Variants in ROBO2 observed in about 807,000 individuals in gnomAD.
The protein encoded by ROBO2 is roundabout homolog 2.
A neutral mutation model predicts 160.8 loss-of-function variants in ROBO2; 53 were observed. The ratio of observed to expected loss-of-function variants is 0.33; its 90% CI spans 0.26 to 0.41. The LOEUF is 0.41. ROBO2 is among the 10% of genes least tolerant of loss of function. ROBO2 has a pLI of 1.00. For missense variants in ROBO2, 1,577 were observed against 1,722.4 expected, an observed-to-expected ratio of 0.92 and a Z score of 1.49; for synonymous variants, 664 against 611.7, an observed-to-expected ratio of 1.09 and a Z score of -1.26.
intron 5 of ROBO2, among the ~76,000 whole-genome samples, chr3:77,496,567 TG>T (rs1341884372): frequency 1.3e-5 from 2 of 152,188 alleles, no homozygotes; most frequent in African/African-American, 4.8e-5. Flanking sequence ...TATAAGCAAT[TG>T]GTGTGGTGCA....
intron 2 of ROBO2, among the ~76,000 whole-genome samples, chr3:76,796,487 GGAAGGAAGGAAGGAAAGAAGGAAA>G (rs1334086157): frequency 2.7e-5 from 1 of 37,244 alleles, no homozygotes; most frequent in East Asian, 8.7e-4. Context: ...AAGGAGGGAA[GGAAGGAAGGAAGGAAAGAAGGAAA>G]GAAGGAAGGA....
chr3:77,577,351 A>T, intron 14 of ROBO2, 139 bp from the exon 16 acceptor site: 1 of 929,044 alleles, frequency 1.1e-6, no homozygotes, highest in East Asian at 2.5e-5. Context: ...AAAAACTGTC[A>T]CTGTTGAACA....
chr3:76,079,660 T>C (rs527282345), intron 2 of ROBO2, among the ~76,000 whole-genome samples: 20 of 152,086 alleles, frequency 1.3e-4, no homozygotes, highest in African/African-American at 4.1e-4. Context: ...ATTTCTTTTG[T>C]ATTTTAGTAA....
At chr3:76,131,879 A>G (rs1215700033) in intron 2 of ROBO2, among the ~76,000 whole-genome samples, 1 of 152,180 alleles carries the variant, frequency 6.6e-6, no homozygotes, top group Non-Finnish European at 1.5e-5. Flanking sequence ...CATCTTATCA[A>G]ATAAAATGTT....
intron 2 of ROBO2, among the ~76,000 whole-genome samples, chr3:77,335,798 A>G (rs2066436545): frequency 6.6e-6 from 1 of 152,244 alleles, no homozygotes; most frequent in South Asian, 2.1e-4. Flanking sequence ...TATGTTAGAT[A>G]AGGCAACTTT....
chr3:76,808,470 T>G (rs2064910641), intron 2 of ROBO2, among the ~76,000 whole-genome samples: 1 of 152,060 alleles, frequency 6.6e-6, no homozygotes, highest in South Asian at 2.1e-4. Context: ...ACATAAATAT[T>G]TTTGTCTTCA....
At chr3:76,498,749 C>T (rs1201974825) in intron 2 of ROBO2, among the ~76,000 whole-genome samples, 1 of 145,502 alleles carries the variant, frequency 6.9e-6, no homozygotes, top group African/African-American at 2.5e-5. Flanking sequence ...GTGGCACAAT[C>T]TCGACTCACT....
chr3:76,429,393 T>G (rs2076348516), intron 2 of ROBO2, among the ~76,000 whole-genome samples: 1 of 152,214 alleles, frequency 6.6e-6, no homozygotes, highest in African/African-American at 2.4e-5. Flanking sequence ...GAGACAGTAT[T>G]TTAAAGCACT....
intron 2 of ROBO2, among the ~76,000 whole-genome samples, chr3:76,002,308 A>G (rs887732946): frequency 6.6e-6 from 1 of 152,180 alleles, no homozygotes; most frequent in African/African-American, 2.4e-5. Context: ...TCGATAAGCC[A>G]AGCGATATGG....
intron 2 of ROBO2, among the ~76,000 whole-genome samples, chr3:77,299,135 G>A (rs1580852383): frequency 1.3e-5 from 2 of 152,278 alleles, no homozygotes; most frequent in East Asian, 3.9e-4. Flanking sequence ...AAAAATTAGT[G>A]CTTTTTAACA....
At chr3:77,044,365 C>A (rs1016385113) in intron 1 of ROBO2, among the ~76,000 whole-genome samples, 1 of 152,072 alleles carries the variant, frequency 6.6e-6, no homozygotes, top group Non-Finnish European at 1.5e-5. Flanking sequence ...TGAAATAGTT[C>A]CGGCAGTCTA....
At chr3:77,557,905 A>T in intron 8 of ROBO2, 39 bp from the exon 10 acceptor site, 1 of 1,469,306 alleles carries the variant, frequency 6.8e-7, no homozygotes, top group South Asian at 1.2e-5. Context: ...ACTGAACTAC[A>T]TTGATGTTAA....
intron 2 of ROBO2, among the ~76,000 whole-genome samples, chr3:76,983,756 T>C (rs943978428): frequency 6.6e-6 from 1 of 152,188 alleles, no homozygotes; most frequent in Non-Finnish European, 1.5e-5. Flanking sequence ...ATAAGGTACG[T>C]CCTCCCACTT....
chr3:77,176,992 A>G (rs2080224654), intron 2 of ROBO2, among the ~76,000 whole-genome samples: 1 of 151,710 alleles, frequency 6.6e-6, no homozygotes, highest in Admixed American at 6.6e-5. Context: ...TCTGTAGGTA[A>G]TCTGTATTGT....
intron 2 of ROBO2, among the ~76,000 whole-genome samples, chr3:77,213,475 T>C (rs28827560): frequency 0.47 from 71,150 of 151,766 alleles, 17,111 homozygotes; most frequent in Middle Eastern, 0.62. Flanking sequence ...CTCTTTTCTT[T>C]TTTATTAGTC....
chr3:77,065,472 A>G (rs1262333263), intron 1 of ROBO2, among the ~76,000 whole-genome samples: 1 of 152,098 alleles, frequency 6.6e-6, no homozygotes, highest in East Asian at 1.9e-4. Flanking sequence ...CTTGTGACCT[A>G]TTTTCAAAAT....
intron 2 of ROBO2, among the ~76,000 whole-genome samples, chr3:76,854,725 G>A (rs2069848878): frequency 6.6e-6 from 1 of 152,048 alleles, no homozygotes; most frequent in Admixed American, 6.6e-5. Flanking sequence ...TCAAATTTTT[G>A]TTGGCCTAAT....
chr3:76,919,644 A>T (rs2076542761), intron 2 of ROBO2, among the ~76,000 whole-genome samples: 1 of 152,184 alleles, frequency 6.6e-6, no homozygotes, highest in South Asian at 2.1e-4. Flanking sequence ...AGGAAAAACA[A>T]TGTTAATATT....
rs142927007 is a variant in ROBO2, at chr3:76,257,174, G to A, written c.109+319572G>A. Reference sequence around the variant, plus strand: ...AACATTAGGGATTACAACTCAACATGAGACTTGGCCAGAATATACAATGAA... The same window carrying A: ...AACATTAGGGATTACAACTCAACATAAGACTTGGCCAGAATATACAATGAA... On this transcript the variant is annotated intron_variant, in intron 2 of 26. Transcript: ENST00000487694. Among the ~76,000 whole-genome samples, 354 of 152,232 alleles carry A rather than the reference G, an allele frequency of 2.3e-3. 2 individuals carry two copies. Among genetic ancestry groups the A allele is most frequent in the Non-Finnish European group, 1.4e-3 (97 of 68,012 alleles).
Sources: allele counts gnomAD v4.1 joint callset (sites outside exome capture counted in the v4.1 genomes callset), GRCh38; gene constraint gnomAD v4.1.1; transcripts MANE v1.5; gene names NCBI Gene and HGNC (gene_info 2026-07-23, HGNC 2026-07-21).